The following CDH7 variants were observed in gnomAD, a reference collection of about 807,000 sequenced individuals.
The protein encoded by CDH7 is cadherin-7.
In CDH7, 25 loss-of-function variants were observed where a neutral mutation model predicts 71.8. The observed-to-expected ratio is 0.35, with a 90% CI of 0.25 to 0.49. CDH7 has a LOEUF of 0.49. CDH7 is among the 20% of genes least tolerant of loss of function. The pLI is 0.99. For synonymous variants in CDH7, 381 were observed against 363.8 expected, an observed-to-expected ratio of 1.05 and a Z score of -0.54; for missense variants, 862 against 974.6, an observed-to-expected ratio of 0.88 and a Z score of 1.54.
chr18:65,772,859 G>C (rs998988828), intron 2 of CDH7, among the ~76,000 whole-genome samples: 18 of 152,178 alleles, frequency 1.2e-4, no homozygotes, highest in Admixed American at 3.3e-4. Flanking sequence ...GGTCAGAGGA[G>C]GAAGCGCATT....
Position 65,882,371 on chromosome 18 carries a change from T to C in CDH7, c.*1477T>C, listed in dbSNP as rs1914256277. On this transcript the variant is annotated 3_prime_UTR_variant, in exon 12 of 12. Transcript: ENST00000397968. The stretch of plus-strand genomic sequence containing the variant: ...ATACATTCAAGTAAGAATGGATTTA[T>C]TTTTTCCTTCCTTTCTCCTTTTAAA... 1 of 152,166 alleles carries C rather than the reference T, an allele frequency of 6.6e-6. No homozygotes were observed. Among genetic ancestry groups the C allele is most frequent in the Non-Finnish European group, 1.5e-5 (1 of 68,004 alleles). The allele number at this position is 152,166 out of a possible 1,614,324, so 9.4% of individuals were successfully genotyped here.
In CDH7 at chr18:65,883,725, C is replaced by G. The variant is rs1257024502; in HGVS notation, c.*2831C>G. The G allele has an allele frequency of 1.3e-5, 2 of 152,040 alleles. No individual in the cohort carries two copies. The highest frequency in any genetic ancestry group is 4.8e-5 in the African/African-American group (2 of 41,418). The allele number at this position is 152,040 out of a possible 1,614,324, so 9.4% of individuals were successfully genotyped here. On this transcript the variant is annotated 3_prime_UTR_variant, in exon 12 of 12. Transcript: ENST00000397968. ...GAACAAGTTGTTAAACATTTACCAG[C>G]ACTCTACTGCTTAAATTATTTTATA...
At position 65,829,299 on chromosome 18, in the gene CDH7, T is replaced by C. The variant is rs1284315435; in HGVS notation, c.981+4468T>C. 2.0e-5 allele frequency among the ~76,000 whole-genome samples: 3 copies of C among 152,022 alleles called. No homozygotes were observed. The East Asian group carries it at 5.8e-4, about 29-fold the overall frequency. ...TACTCCTGGCTAATTTTTGTATTTT[T>C]AGTAGAGACGGGGTTTCACCGTGTT... On this transcript the variant is annotated intron_variant, in intron 6 of 11. Transcript: ENST00000397968.
chr18:65,802,237 T>C (rs1911149434), intron 2 of CDH7, among the ~76,000 whole-genome samples: 1 of 152,222 alleles, frequency 6.6e-6, no homozygotes, highest in Non-Finnish European at 1.5e-5. Flanking sequence ...ACATTTGTTT[T>C]TTAAGAACAC....
chr18:65,765,560 G>T (rs1916333600), intron 2 of CDH7, among the ~76,000 whole-genome samples: 1 of 151,588 alleles, frequency 6.6e-6, no homozygotes, highest in African/African-American at 2.4e-5. Context: ...TGAAGAAATG[G>T]CTGGGCAGAT....
chr18:65,810,588 G>A (rs185020115), intron 3 of CDH7, among the ~76,000 whole-genome samples: 42 of 152,262 alleles, frequency 2.8e-4, no homozygotes, highest in Admixed American at 9.8e-4. Context: ...TACATGTGCA[G>A]GATGTGCAGG....
chr18:65,811,631 T>G (rs1479914915), intron 3 of CDH7, among the ~76,000 whole-genome samples: 1 of 152,090 alleles, frequency 6.6e-6, no homozygotes, highest in Non-Finnish European at 1.5e-5. Context: ...AAAGGGCACA[T>G]TTTCCTCCCC....
chr18:65,787,071 A>T (rs1485983542), intron 2 of CDH7, among the ~76,000 whole-genome samples: 1 of 152,170 alleles, frequency 6.6e-6, no homozygotes, highest in South Asian at 2.1e-4. Flanking sequence ...GTTTTCACCA[A>T]AACAGATTCA....
rs183328070 is a variant in CDH7, at chr18:65,762,626, C to T, written c.-196-21C>T. On this transcript the variant is annotated intron_variant, in intron 1 of 11. Coordinates refer to ENST00000397968, the MANE Select transcript of CDH7 (RefSeq NM_004361.5). ...TATGTGTTTTGGTTCCTGACACCAGCTCTTCTCTTTGTTCTGATAGGTACT... is the reference window on the plus strand; with the variant it reads ...TATGTGTTTTGGTTCCTGACACCAGTTCTTCTCTTTGTTCTGATAGGTACT... The T allele has an allele frequency of 1.9e-5, 8 of 419,624 alleles. No homozygotes were observed. The Admixed American group carries it at 3.2e-4, about 17-fold the overall frequency. The allele number at this position is 419,624 out of a possible 1,614,324, so 26.0% of individuals were successfully genotyped here.
chr18:65,863,637 ATTAT>A (rs1430989937), intron 11 of CDH7: 2 of 152,226 alleles, frequency 1.3e-5, no homozygotes, highest in East Asian at 3.8e-4. Flanking sequence ...TTTTAAAGAA[ATTAT>A]TTGATTGCTT....
intron 6 of CDH7, among the ~76,000 whole-genome samples, chr18:65,842,447 T>C (rs1189560303): frequency 6.6e-6 from 1 of 151,792 alleles, no homozygotes; most frequent in East Asian, 1.9e-4. Flanking sequence ...ATCTCTTTAA[T>C]ATTTGTGTGC....
In CDH7 at chr18:65,789,225, G is replaced by A. The variant is rs1249060960; in HGVS notation, c.211-20479G>A. On this transcript the variant is annotated intron_variant, in intron 2 of 11. Transcript: ENST00000397968. ...CTGGGACATCAGGCAGGTCTTTAAA[G>A]AGGAGGTAATATTTCAGCTGAGCCT... is the stretch of plus-strand genomic sequence containing the variant. 3.9e-5 allele frequency among the ~76,000 whole-genome samples: 6 copies of A among 152,292 alleles called. No individual in the cohort carries two copies. The South Asian group carries it at 1.0e-3, about 26-fold the overall frequency.
In CDH7 at chr18:65,781,922, T is replaced by TTCTC. The variant is rs371567785; in HGVS notation, c.210+18890_210+18893dup. Among the ~76,000 whole-genome samples the TTCTC allele has an allele frequency of 1.5e-4, 6 of 40,682 alleles. 1 individual carries two copies. The highest frequency in any genetic ancestry group is 0.022 in the Middle Eastern group (1 of 46). The allele number at this position is 40,682 out of a possible 152,430, so 26.7% of individuals were successfully genotyped here. A position where few individuals can be genotyped will look rare whatever the true frequency, so the allele number is the denominator to read the frequency against. ...TCTCTATCTTTCTCTCTTTCTCTCT[T>TTCTC]TCTCTCTCTCTCTCTCTCTCTCTTT... is the stretch of plus-strand genomic sequence containing the variant. On this transcript the variant is annotated intron_variant, in intron 2 of 11. Coordinates refer to ENST00000397968, the MANE Select transcript of CDH7 (RefSeq NM_004361.5).
intron 10 of CDH7, among the ~76,000 whole-genome samples, chr18:65,862,440 T>C (rs2144037526): frequency 6.6e-6 from 1 of 152,356 alleles, no homozygotes; most frequent in East Asian, 1.9e-4. Context: ...ACTTTATAAC[T>C]ATTTCTTTTG....
chr18:65,877,734 C>A (rs552858867), intron 11 of CDH7, among the ~76,000 whole-genome samples: 1 of 152,270 alleles, frequency 6.6e-6, no homozygotes, highest in East Asian at 1.9e-4. Context: ...ACTAAGAAGT[C>A]CTACTGGGTT....
At chr18:65,822,666 TAA>T (rs1381365906) in intron 5 of CDH7, among the ~76,000 whole-genome samples, 55 of 152,044 alleles carry the variant, frequency 3.6e-4, no homozygotes, top group Non-Finnish European at 5.3e-4. Context: ...TTTTGAAAAT[TAA>T]AAAAGAGTAA....
At chr18:65,792,328 G>A (rs1181725525) in intron 2 of CDH7, among the ~76,000 whole-genome samples, 1 of 151,714 alleles carries the variant, frequency 6.6e-6, no homozygotes, top group Non-Finnish European at 1.5e-5. Context: ...AGGCCCCTAG[G>A]GCTCAAAAGG....
At chr18:65,757,517 A>T (rs1283337990) in intron 1 of CDH7, among the ~76,000 whole-genome samples, 1 of 152,182 alleles carries the variant, frequency 6.6e-6, no homozygotes, top group East Asian at 1.9e-4. Flanking sequence ...AAAACATGGA[A>T]AAATATTATA....
chr18:65,859,264 A>C (rs1016829639), intron 9 of CDH7, among the ~76,000 whole-genome samples: 2 of 152,214 alleles, frequency 1.3e-5, no homozygotes, highest in Non-Finnish European at 2.9e-5. Context: ...AAAGGTAAAC[A>C]TTGTAAAAGC....
Sources: gnomAD v4.1 joint callset for allele counts (sites outside exome capture counted in the v4.1 genomes callset) on GRCh38, gnomAD v4.1.1 for gene constraint, MANE v1.5 for transcripts, NCBI Gene and HGNC (gene_info 2026-07-23, HGNC 2026-07-21) for gene names.